The following ABCA2 variants were observed in gnomAD, a reference collection of about 807,000 sequenced individuals.
ABCA2 encodes ATP-binding cassette sub-family A member 2.
ABCA2 carries 84 observed loss-of-function variants against 262.8 expected under a neutral mutation model. The observed-to-expected ratio is 0.32, with a 90% CI of 0.27 to 0.38. ABCA2 has a LOEUF of 0.38. Ranked by LOEUF, ABCA2 falls within the 10% of genes least tolerant of loss-of-function variation. The probability of loss-of-function intolerance (pLI) is 1.00; values close to 1 mark genes in which losing one functional copy is unlikely to be tolerated. For synonymous variants in ABCA2, 1,696 were observed against 1,502.9 expected, an observed-to-expected ratio of 1.13 and a Z score of -2.97; for missense variants, 2,662 against 3,405.9, an observed-to-expected ratio of 0.78 and a Z score of 5.44.
At chr9:137,023,192 C>T (rs921372849) in intron 3 of ABCA2, 140 bp from the exon 4 acceptor site, 10 of 712,092 alleles carry the variant, frequency 1.4e-5, no homozygotes, top group African/African-American at 7.1e-5. Context: ...AGGGAGAAGG[C>T]GGCACAGAGC....
intron 15 of ABCA2, 25 bp downstream of exon 15, chr9:137,017,948 C>G (rs1439452188): frequency 6.2e-7 from 1 of 1,612,330 alleles, no homozygotes; most frequent in South Asian, 1.1e-5. Context: ...AGCCCCAGCC[C>G]CAGCCCCGGG....
chr9:137,016,592 T>A lies in ABCA2; in HGVS notation c.2905A>T (p.Met969Leu). The A allele has an allele frequency of 6.2e-7, 1 of 1,612,280 alleles. No individual in the cohort carries two copies. Among genetic ancestry groups the A allele is most frequent in the Non-Finnish European group, 8.5e-7 (1 of 1,179,928 alleles). ...SVMEEDQACA[M>L]ESRRFEETRG... ...GCCTCACCAAAGCGCCGGCTCTCCA[T>A]GGCACAGGCCTGGTCCTCCTCCATG... The change falls in exon 20 of 49, where the codon ATG (methionine) becomes TTG (leucine). Residue 969 changes from methionine (M) to leucine (L), a missense_variant. Physicochemically the swap from Met to Leu is conservative, Grantham distance 15. Coordinates refer to ENST00000341511, the MANE Select transcript of ABCA2 (RefSeq NM_001606.5).
Position 137,008,899 on chromosome 9 carries a change from C to CA in ABCA2, c.6931-32_6931-31insT, listed in dbSNP as rs753298020. 3,212 of 1,522,254 alleles carry CA rather than the reference C, an allele frequency of 2.1e-3. 8 individuals carry two copies. The highest frequency in any genetic ancestry group is 6.4e-3 in the Middle Eastern group (37 of 5,812). The allele number at this position is 1,522,254 out of a possible 1,614,324, so 94.3% of individuals were successfully genotyped here. ...GGGGGGGAGGTCAGAGGCCTGGCAG[C>CA]GCCCCCCCACCCCGTAGCGCCCCCT... On this transcript the variant is annotated intron_variant, in intron 46 of 48. Transcript: ENST00000341511.
chr9:137,019,793 A>C lies in ABCA2; in HGVS notation c.1426-487T>G. ...ACTCCCAGGGCAGCACGGCCTCCGGACCCCCAACTGCCCAGCTGTGCCCAC... is the reference window on the plus strand; with the variant it reads ...ACTCCCAGGGCAGCACGGCCTCCGGCCCCCCAACTGCCCAGCTGTGCCCAC... On this transcript the variant is annotated intron_variant, in intron 10 of 48. Coordinates refer to ENST00000341511, the MANE Select transcript of ABCA2 (RefSeq NM_001606.5). This position sits in a 1 kb window ranked among gnomAD's most constrained non-coding sequence, Gnocchi z 4.4. The C allele has an allele frequency of 5.3e-6, 1 of 188,778 alleles. No homozygotes were observed. Among genetic ancestry groups the C allele is most frequent in the Admixed American group, 5.5e-5 (1 of 18,348 alleles). 11.7% of individuals were successfully genotyped at this position (188,778 alleles called of 1,614,324 possible).
Position 137,009,614 on chromosome 9 carries a change from C to A in ABCA2, c.6661G>T (p.Ala2221Ser), listed in dbSNP as rs1830962025. 6.2e-7 allele frequency: 1 copy of A among 1,612,948 alleles called. No homozygotes were observed. The highest frequency in any genetic ancestry group is 2.2e-5 in the East Asian group (1 of 44,874). ...DEPTTGMDPK[A>S]RRFLWNLILD... ...ATGAGGTTCCAGAGGAAGCGCCGGG[C>A]CTTGGGGTCCATGCCTGTGGTGGGC... is the stretch of plus-strand genomic sequence containing the variant. Residue 2221 changes from alanine (A) to serine (S), a missense_variant, in exon 44 of 49, where the codon GCC (alanine) becomes TCC (serine). Ala to Ser is a moderately conservative substitution (Grantham distance 99). This residue lies in a region of ABCA2 where 602 missense variants were observed against 897.4 expected (regional missense o/e 0.67). Transcript: ENST00000341511.
At chr9:137,013,375 G>T in intron 29 of ABCA2, 57 bp from the exon 30 acceptor site, 1 of 1,328,948 alleles carries the variant, frequency 7.5e-7, no homozygotes. Context: ...CGCCAGCCCC[G>T]CCCCCTCGCC....
At position 137,018,979 on chromosome 9, in the gene ABCA2, G is replaced by T. The variant is rs1831360097; in HGVS notation, c.1646C>A (p.Pro549His). 1.2e-6 allele frequency: 2 copies of T among 1,612,912 alleles called. No homozygotes were observed. The highest frequency in any genetic ancestry group is 1.7e-6 in the Non-Finnish European group (2 of 1,179,912). The part of the protein sequence containing the change: ...PALRQDNFSL[P>H]SGMALLQQLD... ...CTGCTGCAGGAGGGCCATGCCACTGGGCAGCGAGAAGTTGTCCTGTCTCAG... is the reference window on the plus strand; with the variant it reads ...CTGCTGCAGGAGGGCCATGCCACTGTGCAGCGAGAAGTTGTCCTGTCTCAG... The change falls in exon 12 of 49, where the codon CCC becomes CAC. Residue 549 changes from proline (P) to histidine (H), a missense_variant. This residue lies in a region of ABCA2 where 187 missense variants were observed against 205.9 expected (regional missense o/e 0.91). Transcript: ENST00000341511.
chr9:137,013,993 T>C lies in ABCA2; in HGVS notation c.4286A>G (p.Lys1429Arg). 1 of 1,612,152 alleles carries C rather than the reference T, an allele frequency of 6.2e-7. No homozygotes were observed. Among genetic ancestry groups the C allele is most frequent in the Admixed American group, 1.7e-5 (1 of 59,998 alleles). Residue 1429 changes from lysine (K) to arginine (R), a missense_variant, in exon 28 of 49, where the codon AAG becomes AGG. Physicochemically the swap from Lys to Arg is conservative, Grantham distance 26 (BLOSUM62 2). Around this residue, in one of 12 missense-constraint regions of ABCA2, gnomAD observed 297 missense variants for 286.5 expected, o/e 1.04. Coordinates refer to ENST00000341511, the MANE Select transcript of ABCA2 (RefSeq NM_001606.5). ...ALSRVGQGSRKLDGGWLKVRQ... is the reference protein window; with the variant it reads ...ALSRVGQGSRRLDGGWLKVRQ... The stretch of plus-strand genomic sequence containing the variant: ...CACCTTCAGCCACCCGCCGTCCAGC[T>C]TGCGGCTGCCCTGGCCGACCCTCGA...
At position 137,013,101 on chromosome 9, in the gene ABCA2, C is replaced by T; in HGVS notation, c.4768G>A (p.Val1590Met). 3 of 1,585,944 alleles carry T rather than the reference C, an allele frequency of 1.9e-6. No individual in the cohort carries two copies. Among genetic ancestry groups the T allele is most frequent in the Non-Finnish European group, 2.6e-6 (3 of 1,168,816 alleles). The change falls in exon 30 of 49, where the codon GTG (valine) becomes ATG (methionine). Residue 1590 changes from valine to methionine, a missense_variant. Physicochemically the swap from Val to Met is conservative, Grantham distance 21. Coordinates refer to ENST00000341511, the MANE Select transcript of ABCA2 (RefSeq NM_001606.5). ...GGGGCGGGCGAGGGTGGGGGTGGCA[C>T]GAAATTGGACAGTGGCAGCCCCTGT... ...FTQGLPLSNF[V>M]PPPPSPAPSD...
At position 137,024,127 on chromosome 9, in the gene ABCA2, C is replaced by T. The variant is rs1327339519; in HGVS notation, c.160+16G>A. 4.4e-6 allele frequency: 7 copies of T among 1,598,770 alleles called. No individual in the cohort carries two copies. Among genetic ancestry groups the T allele is most frequent in the African/African-American group, 2.7e-5 (2 of 74,778 alleles). On this transcript the variant is annotated intron_variant, in intron 2 of 48. Transcript: ENST00000341511. ...GCGCTCCCCCGGCTGTGCCTGGGGC[C>T]TCCTGCCGCACTCACCTTCCTTCAC... is the stretch of plus-strand genomic sequence containing the variant.
At position 137,021,985 on chromosome 9, in the gene ABCA2, A is replaced by T. The variant is rs1034049536; in HGVS notation, c.584T>A (p.Phe195Tyr). 5.1e-6 allele frequency: 8 copies of T among 1,574,030 alleles called. No individual in the cohort carries two copies. The highest frequency in any genetic ancestry group is 6.0e-6 in the Non-Finnish European group (7 of 1,161,322). The change falls in exon 7 of 49, where the codon TTT becomes TAT. Residue 195 changes from phenylalanine to tyrosine, a missense_variant. Physicochemically the swap from Phe to Tyr is conservative, Grantham distance 22. Coordinates refer to ENST00000341511, the MANE Select transcript of ABCA2 (RefSeq NM_001606.5). The surrounding 1 kb of genome is among the most constrained non-coding windows in gnomAD (Gnocchi z 6.0). The stretch of plus-strand genomic sequence containing the variant: ...TGAATCCAGGGCAGATGAGGGACCA[A>T]AGAGCAGGTGGTAGACCTAGGAGGT... Reference protein sequence around the residue: ...VDPPEVYHLLFGPSSALDSQS... With the variant: ...VDPPEVYHLLYGPSSALDSQS...
chr9:137,028,604 C>T (rs896385615), upstream of ABCA2: 3 of 1,028,306 alleles, frequency 2.9e-6, no homozygotes, highest in Admixed American at 1.8e-4. This position sits in a 1 kb window ranked among gnomAD's most constrained non-coding sequence, Gnocchi z 6.9. Context: ...GCGCCCCAAG[C>T]CTTCACTGTC....
Position 137,028,126 on chromosome 9 carries a change from G to A in ABCA2, c.15C>T (p.His5=). ...TCTTCCAGAGCAGCAGCTGCAGCTGGTGCAGGAAGCCCATGGCGGGGCCAC... is the reference window on the plus strand; with the variant it reads ...TCTTCCAGAGCAGCAGCTGCAGCTGATGCAGGAAGCCCATGGCGGGGCCAC... MGFL[H]QLQLLLWKNV... Residue 5 remains histidine, a synonymous_variant, in exon 1 of 49, where the codon CAC becomes CAT. Transcript: ENST00000341511. This position sits in a 1 kb window ranked among gnomAD's most constrained non-coding sequence, Gnocchi z 6.9. 5 of 985,832 alleles carry A rather than the reference G, an allele frequency of 5.1e-6. No homozygotes were observed. Among genetic ancestry groups the A allele is most frequent in the Non-Finnish European group, 6.0e-6 (5 of 830,454 alleles). The allele number at this position is 985,832 out of a possible 1,614,324, so 61.1% of individuals were successfully genotyped here. A position where few individuals can be genotyped will look rare whatever the true frequency, so the allele number is the denominator to read the frequency against.
chr9:137,021,453 C>T lies in ABCA2; in HGVS notation c.836G>A (p.Arg279His), dbSNP rs779067208. 7.4e-6 allele frequency: 12 copies of T among 1,611,952 alleles called. No homozygotes were observed. Among genetic ancestry groups the T allele is most frequent in the African/African-American group, 2.7e-5 (2 of 74,928 alleles). ...CSGQAAARAR[R>H]FSGLSAELRN... Reference sequence around the variant, plus strand: ...GAGCTCAGCAGACAGCCCAGAGAAGCGCCTGGCACGCGCAGCAGCCTGCCC... The same window carrying T: ...GAGCTCAGCAGACAGCCCAGAGAAGTGCCTGGCACGCGCAGCAGCCTGCCC... The change falls in exon 8 of 49, where the codon CGC (arginine) becomes CAC (histidine). Residue 279 changes from arginine (R) to histidine (H), a missense_variant. This residue lies in a region of ABCA2 where 403 missense variants were observed against 375.9 expected (regional missense o/e 1.07). Coordinates refer to ENST00000341511, the MANE Select transcript of ABCA2 (RefSeq NM_001606.5). This position sits in a 1 kb window ranked among gnomAD's most constrained non-coding sequence, Gnocchi z 6.0.
In ABCA2 at chr9:137,021,143, A is replaced by C; in HGVS notation, c.898-82T>G. ...TAGGTCAGGAGTGGAGCAGGGAGACAGCAGCAGGGAGACACAAGCTAGGGG... is the reference window on the plus strand; with the variant it reads ...TAGGTCAGGAGTGGAGCAGGGAGACCGCAGCAGGGAGACACAAGCTAGGGG... On this transcript the variant is annotated intron_variant, in intron 8 of 48. Coordinates refer to ENST00000341511, the MANE Select transcript of ABCA2 (RefSeq NM_001606.5). This position sits in a 1 kb window ranked among gnomAD's most constrained non-coding sequence, Gnocchi z 6.0. The C allele has an allele frequency of 2.1e-6, 3 of 1,433,184 alleles. No individual in the cohort carries two copies. The highest frequency in any genetic ancestry group is 2.7e-6 in the Non-Finnish European group (3 of 1,095,498). The allele number at this position is 1,433,184 out of a possible 1,614,324, so 88.8% of individuals were successfully genotyped here. A position where few individuals can be genotyped will look rare whatever the true frequency, so the allele number is the denominator to read the frequency against.
At chr9:137,020,169 A>G in intron 10 of ABCA2, 167 bp downstream of exon 10, 1 of 810,204 alleles carries the variant, frequency 1.2e-6, no homozygotes, top group Non-Finnish European at 1.8e-6. Flanking sequence ...CCGAAAGGAA[A>G]AGCGACCCCC....
chr9:137,010,789 T>A (rs1408569432), intron 39 of ABCA2, 52 bp from the exon 40 acceptor site: 1 of 1,545,092 alleles, frequency 6.5e-7, no homozygotes, highest in Non-Finnish European at 8.9e-7. Context: ...CCACTGCCCC[T>A]CCCTGCCACC....
Position 137,010,654 on chromosome 9 carries a change from T to A in ABCA2, c.6140A>T (p.Asp2047Val). 6.2e-7 allele frequency: 1 copy of A among 1,611,342 alleles called. No individual in the cohort carries two copies. Reference protein sequence around the residue: ...ERQRVLRGDADNDMVKIENLT... With the variant: ...ERQRVLRGDAVNDMVKIENLT... ...GTTCTCAATCTTGACCATGTCATTG[T>A]CGGCGTCTCCCCGGAGCACTCGCTG... The change falls in exon 40 of 49, where the codon GAC becomes GTC. Residue 2047 changes from aspartate (D) to valine (V), a missense_variant. Transcript: ENST00000341511.
chr9:137,022,404 G>A lies in ABCA2; in HGVS notation c.514C>T (p.Leu172=), dbSNP rs747158693. ...AGTGCTTGGGCCGTGCTATTGGGCA[G>A]CGACAAGTTTTGCGTCAGGAAACGC... ...LWRFLTQNLS[L]PNSTAQALLA... Residue 172 remains leucine, a synonymous_variant, in exon 6 of 49, where the codon CTG becomes TTG. Coordinates refer to ENST00000341511, the MANE Select transcript of ABCA2 (RefSeq NM_001606.5). 3 of 1,611,806 alleles carry A rather than the reference G, an allele frequency of 1.9e-6. No individual in the cohort carries two copies. Among genetic ancestry groups the A allele is most frequent in the Admixed American group, 3.3e-5 (2 of 59,886 alleles).
Sources: allele counts gnomAD v4.1 joint callset, GRCh38; gene constraint gnomAD v4.1.1; regional missense constraint gnomAD v4.1.1; non-coding constraint Gnocchi (gnomAD v3.1); transcripts MANE v1.5; gene names NCBI Gene and HGNC (gene_info 2026-07-23, HGNC 2026-07-21).